The following MSR1 variants were observed in gnomAD, a reference collection of about 807,000 sequenced individuals.
The protein encoded by MSR1 is macrophage scavenger receptor 1, also known as macrophage scavenger receptor types I and II.
In MSR1, 53 loss-of-function variants were observed where a neutral mutation model predicts 47.2. That is an observed-to-expected ratio of 1.12 (90% CI 0.90 to 1.41). The LOEUF (loss-of-function observed/expected upper bound fraction) is 1.41, where lower values mean the gene tolerates loss of function less well. Ranked by LOEUF, MSR1 falls within the 40% of genes most tolerant of loss-of-function variation. MSR1 has a pLI of 0.00. For missense variants in MSR1, 786 were observed against 546.9 expected (o/e 1.44, Z -4.36); for synonymous variants, 239 against 185.6 (o/e 1.29, Z -2.34).
At chr8:16,160,332 G>C in intron 5 of MSR1, among the ~76,000 whole-genome samples, 1 of 152,036 alleles carries the variant, frequency 6.6e-6, no homozygotes, top group East Asian at 1.9e-4. Context: ...AAAATTGATA[G>C]CTTGGAAACC....
intron 9 of MSR1, among the ~76,000 whole-genome samples, chr8:16,119,193 G>A (rs1049502333): frequency 1.3e-5 from 2 of 152,056 alleles, no homozygotes; most frequent in African/African-American, 4.8e-5. Flanking sequence ...TCTAGAACCT[G>A]AGACTTCTGC....
chr8:16,182,884 C>T (rs150889710), intron 1 of MSR1, among the ~76,000 whole-genome samples: 149 of 152,096 alleles, frequency 9.8e-4, no homozygotes, highest in African/African-American at 3.4e-3. Context: ...AAACCATTAA[C>T]ATTTATTATC....
intron 8 of MSR1, among the ~76,000 whole-genome samples, chr8:16,132,822 G>C (rs1800295149): frequency 6.8e-6 from 1 of 148,130 alleles, no homozygotes; most frequent in Non-Finnish European, 1.5e-5. Flanking sequence ...AACAGGAGTA[G>C]TGGAGAGGGC....
chr8:16,152,673 G>T (rs917946104), intron 6 of MSR1, among the ~76,000 whole-genome samples: 1 of 152,004 alleles, frequency 6.6e-6, no homozygotes. Flanking sequence ...CCCACACAAA[G>T]TTTCCTTTAG....
intron 1 of MSR1, among the ~76,000 whole-genome samples, chr8:16,178,437 T>C (rs1484708730): frequency 6.6e-6 from 1 of 152,164 alleles, no homozygotes; most frequent in Non-Finnish European, 1.5e-5. Context: ...CATAAACTCA[T>C]CCTTTTTTGT....
chr8:16,180,593 A>G (rs1049863996), intron 1 of MSR1, among the ~76,000 whole-genome samples: 1 of 152,180 alleles, frequency 6.6e-6, no homozygotes, highest in Non-Finnish European at 1.5e-5. Flanking sequence ...ATGCTGTGTA[A>G]TGGACTTAGC....
chr8:16,166,923 G>C (rs1027592583), intron 4 of MSR1, among the ~76,000 whole-genome samples: 1 of 130,652 alleles, frequency 7.7e-6, no homozygotes, highest in Admixed American at 8.7e-5. Context: ...TTGTTTTTCA[G>C]TGTACACAGG....
intron 4 of MSR1, among the ~76,000 whole-genome samples, chr8:16,167,130 T>A (rs1801335563): frequency 6.6e-6 from 1 of 152,218 alleles, no homozygotes; most frequent in Non-Finnish European, 1.5e-5. Flanking sequence ...CTCAAACAGC[T>A]CACTGATCAC....
In MSR1 at chr8:16,177,787, A is replaced by G; in HGVS notation, c.103+99T>C. 3.3e-6 allele frequency: 3 copies of G among 897,030 alleles called. No homozygotes were observed. In the South Asian group the frequency reaches 4.2e-5, roughly 12 times the overall value. The allele number at this position is 897,030 out of a possible 1,614,324, so 55.6% of individuals were successfully genotyped here. A position where few individuals can be genotyped will look rare whatever the true frequency, so the allele number is the denominator to read the frequency against. On this transcript the variant is annotated intron_variant, in intron 2 of 9. Coordinates refer to ENST00000262101, the MANE Select transcript of MSR1 (RefSeq NM_138715.3). ...TTGGTCAAATAAGTATTATTTTAAC[A>G]TCCACTTACATTTAAGGTAAGTCTC...
Position 16,177,929 on chromosome 8 carries a change from A to G in MSR1, c.60T>C (p.Ser20=). 1 of 1,613,978 alleles carries G rather than the reference A, an allele frequency of 6.2e-7. No homozygotes were observed. The highest frequency in any genetic ancestry group is 8.5e-7 in the Non-Finnish European group (1 of 1,179,924). Residue 20 remains serine (S), a synonymous_variant, in exon 2 of 10, where the codon TCT becomes TCC. Coordinates refer to ENST00000262101, the MANE Select transcript of MSR1 (RefSeq NM_138715.3). ...QQEDTDSCSE[S]VKFDARSMTA... Reference sequence around the variant, plus strand: ...TCATTGAGCGAGCATCAAATTTCACAGATTCGGAGCAGCTATCAGTGTCCT... The same window carrying G: ...TCATTGAGCGAGCATCAAATTTCACGGATTCGGAGCAGCTATCAGTGTCCT...
At chr8:16,188,977 T>C (rs771500058) in intron 1 of MSR1, among the ~76,000 whole-genome samples, 23,930 of 130,492 alleles carry the variant, frequency 0.18, 3,298 homozygotes, top group African/African-American at 0.39. Flanking sequence ...CATATATATA[T>C]ATATATATAT....
intron 2 of MSR1, 50 bp from the exon 3 acceptor site, chr8:16,175,350 C>T (rs1340703389): frequency 7.0e-7 from 1 of 1,426,454 alleles, no homozygotes; most frequent in African/African-American, 1.4e-5. Context: ...TTGTCTTCTT[C>T]CATAATTAAA....
chr8:16,173,205 G>A (rs966774344), intron 3 of MSR1, among the ~76,000 whole-genome samples: 2 of 152,148 alleles, frequency 1.3e-5, no homozygotes, highest in African/African-American at 2.4e-5. Flanking sequence ...CAGAATAAAT[G>A]TGTTGACTTG....
chr8:16,151,265 A>G (rs139164079), intron 6 of MSR1, among the ~76,000 whole-genome samples: 1 of 152,226 alleles, frequency 6.6e-6, no homozygotes, highest in East Asian at 1.9e-4. Flanking sequence ...AGTACCTCAC[A>G]GTGATGCTCA....
chr8:16,166,134 ATACC>A (rs1801299723), intron 4 of MSR1, among the ~76,000 whole-genome samples: 1 of 149,866 alleles, frequency 6.7e-6, no homozygotes, highest in African/African-American at 2.5e-5. Context: ...GTTTTTCATC[ATACC>A]TAAAAGCTGA....
chr8:16,156,210 A>G (rs1801001179), intron 5 of MSR1, among the ~76,000 whole-genome samples: 1 of 151,970 alleles, frequency 6.6e-6, no homozygotes. Context: ...GTGATATTTT[A>G]AAGGAAGCAT....
chr8:16,168,058 G>A (rs932495941), intron 4 of MSR1, among the ~76,000 whole-genome samples: 1 of 151,044 alleles, frequency 6.6e-6, no homozygotes, highest in Non-Finnish European at 1.5e-5. Context: ...AGTTCTGAGT[G>A]AAACTTACAA....
chr8:16,111,581 G>T (rs1563135587), intron 9 of MSR1, among the ~76,000 whole-genome samples: 1 of 152,136 alleles, frequency 6.6e-6, no homozygotes, highest in African/African-American at 2.4e-5. Context: ...GCAAAGGAAA[G>T]AAATTATTTA....
At chr8:16,142,049 G>A (rs181542367) in intron 8 of MSR1, among the ~76,000 whole-genome samples, 1 of 152,226 alleles carries the variant, frequency 6.6e-6, no homozygotes, top group Admixed American at 6.5e-5. Flanking sequence ...ACAGCAGGTG[G>A]GCCAGGCTTG....
Sources: allele counts gnomAD v4.1 joint callset (sites outside exome capture counted in the v4.1 genomes callset), GRCh38; gene constraint gnomAD v4.1.1; transcripts MANE v1.5; gene names NCBI Gene and HGNC (gene_info 2026-07-23, HGNC 2026-07-21).